The following TOP2B variants were observed in gnomAD, a reference collection of about 807,000 sequenced individuals.
TOP2B encodes the protein DNA topoisomerase 2-beta.
In TOP2B, 51 loss-of-function variants were observed where a neutral mutation model predicts 193.5. The ratio of observed to expected loss-of-function variants is 0.26; its 90% confidence interval spans 0.21 to 0.33. The LOEUF is 0.33. Among genes scored for constraint, TOP2B ranks in the 10% least tolerant of loss-of-function variants. The pLI, the probability that TOP2B is intolerant of heterozygous loss-of-function variation, is 1.00. For missense variants in TOP2B, 1,378 were observed against 1,909.3 expected (o/e 0.72, Z 5.19); for synonymous variants, 634 against 635.7 (o/e 1.00, Z 0.04).
rs148432409 is a variant in TOP2B at position 25,661,981 on chromosome 3, G to T, written c.69+2248C>A. The stretch of plus-strand genomic sequence containing the variant: ...AGACGAAGTTACCTTTCTCAAAACA[G>T]ATGACCACTGCAATAAAGCCCCAAC... On this transcript the variant is annotated intron_variant, in intron 1 of 35. Coordinates refer to ENST00000264331, the MANE Select transcript of TOP2B (RefSeq NM_001330700.2). Among the ~76,000 whole-genome samples, 621 of 152,274 alleles carry T rather than the reference G, an allele frequency of 4.1e-3. 8 individuals carry two copies. Among genetic ancestry groups the T allele is most frequent in the African/African-American group, 0.014 (586 of 41,546 alleles).
chr3:25,657,465 A>G (rs528863603), intron 1 of TOP2B, among the ~76,000 whole-genome samples: 89 of 152,302 alleles, frequency 5.8e-4, no homozygotes, highest in Non-Finnish European at 1.1e-3. Flanking sequence ...TAGCTCTTCA[A>G]TTTTAACACT....
At chr3:25,651,257 A>G (rs1703579010) in intron 1 of TOP2B, among the ~76,000 whole-genome samples, 1 of 152,290 alleles carries the variant, frequency 6.6e-6, no homozygotes, top group East Asian at 1.9e-4. Flanking sequence ...GAGGTAAAGT[A>G]TCATCAAAAA....
rs529559347 is a variant in TOP2B at position 25,664,378 on chromosome 3, C to T, written c.-81G>A. The T allele has an allele frequency of 7.4e-7, 1 of 1,356,356 alleles. No homozygotes were observed. Among genetic ancestry groups the T allele is most frequent in the Non-Finnish European group, 9.4e-7 (1 of 1,065,438 alleles). 84.0% of individuals were successfully genotyped at this position (1,356,356 alleles called of 1,614,324 possible). A position where few individuals can be genotyped will look rare whatever the true frequency, so the allele number is the denominator to read the frequency against. ...TGCGGGCCGCTGGGCCCCGCCGCTCCGCACCCACCGCTCCACTCGCCGCAC... is the reference window on the plus strand; with the variant it reads ...TGCGGGCCGCTGGGCCCCGCCGCTCTGCACCCACCGCTCCACTCGCCGCAC... On this transcript the variant is annotated 5_prime_UTR_variant, in exon 1 of 36. Transcript: ENST00000264331.
intron 27 of TOP2B, among the ~76,000 whole-genome samples, chr3:25,613,774 T>A (rs1165714543): frequency 6.6e-6 from 1 of 151,550 alleles, no homozygotes; most frequent in Non-Finnish European, 1.5e-5. Context: ...GCATCCACCA[T>A]GTGCTAGGCA....
chr3:25,636,000 C>A lies in TOP2B; in HGVS notation c.788G>T (p.Arg263Met). The stretch of plus-strand genomic sequence containing the variant: ...ACACGAACCAGCCAAATCATATGCC[C>A]TTCTAGTCATGAGGGCCACAATATC... ...DKDIVALMTR[R>M]AYDLAGSCRG... The change falls in exon 7 of 36, where the codon AGG (arginine) becomes ATG (methionine). Residue 263 changes from arginine to methionine, a missense_variant. Around this residue, in one of 9 missense-constraint regions of TOP2B, gnomAD observed 222 missense variants for 306.6 expected, o/e 0.72. Coordinates refer to ENST00000264331, the MANE Select transcript of TOP2B (RefSeq NM_001330700.2). 1 of 1,613,398 alleles carries A rather than the reference C, an allele frequency of 6.2e-7. No homozygotes were observed.
intron 2 of TOP2B, 128 bp from the exon 3 acceptor site, chr3:25,643,912 A>G (rs1387617687): frequency 6.6e-6 from 4 of 605,264 alleles, no homozygotes; most frequent in East Asian, 2.6e-5. Flanking sequence ...AAACATATAC[A>G]ACTTCAGTAA....
chr3:25,634,397 C>T (rs1575577628), intron 7 of TOP2B, among the ~76,000 whole-genome samples: 1 of 151,960 alleles, frequency 6.6e-6, no homozygotes, highest in South Asian at 2.1e-4. Flanking sequence ...TTTTCATGAA[C>T]CCACTGAAGA....
At chr3:25,648,488 A>G (rs993681112) in intron 1 of TOP2B, among the ~76,000 whole-genome samples, 1 of 152,224 alleles carries the variant, frequency 6.6e-6, no homozygotes, top group African/African-American at 2.4e-5. Flanking sequence ...GAGTTAGCTA[A>G]GCCTTCAAAT....
At chr3:25,660,357 T>C (rs896228480) in intron 1 of TOP2B, among the ~76,000 whole-genome samples, 36 of 152,178 alleles carry the variant, frequency 2.4e-4, no homozygotes, top group Non-Finnish European at 4.6e-4. Flanking sequence ...AAATTTGTAA[T>C]ATTAAGGCAA....
Position 25,630,157 on chromosome 3 carries a change from G to A in TOP2B, c.1564-3C>T. 6.5e-7 allele frequency: 1 copy of A among 1,540,016 alleles called. No individual in the cohort carries two copies. ...TTTATTTCAGCATTTTCCATGATCT[G>A]TTCAAAAAGGAAAAGCACTGAGAGT... On this transcript the variant is annotated splice_polypyrimidine_tract_variant and splice_region_variant and intron_variant, in intron 12 of 35. Transcript: ENST00000264331.
Position 25,604,760 on chromosome 3 carries a change from C to T in TOP2B, c.4489G>A (p.Gly1497Arg). The T allele has an allele frequency of 1.2e-6, 2 of 1,605,822 alleles. No individual in the cohort carries two copies. The highest frequency in any genetic ancestry group is 1.7e-6 in the Non-Finnish European group (2 of 1,173,254). Residue 1497 changes from glycine to arginine, a missense_variant and splice_region_variant, in exon 33 of 36, where the codon GGA (glycine) becomes AGA (arginine). Physicochemically the swap from Gly to Arg is moderately radical, Grantham distance 125. Around this residue, in one of 9 missense-constraint regions of TOP2B, gnomAD observed 556 missense variants for 584.2 expected, o/e 0.95. Coordinates refer to ENST00000264331, the MANE Select transcript of TOP2B (RefSeq NM_001330700.2). ...AACTCAATCAAATATAAGTACATAC[C>T]CTTTTTAGCAGCTACCGTTTTACTT... ...VPSKTVAAKK[G>R]KPSSDTVPKP...
At position 25,664,560 on chromosome 3, in the gene TOP2B, G is replaced by GCGACCGGCGGCGGC. The variant is rs1227160557; in HGVS notation, c.-277_-264dup. 1.9e-6 allele frequency: 2 copies of GCGACCGGCGGCGGC among 1,080,422 alleles called. No homozygotes were observed. Among genetic ancestry groups the GCGACCGGCGGCGGC allele is most frequent in the Admixed American group, 1.1e-4 (2 of 18,784 alleles). 66.9% of individuals were successfully genotyped at this position (1,080,422 alleles called of 1,614,324 possible). Reference sequence around the variant, plus strand: ...GCGGCGGCTGAGGAGAAAGCAGGGAGCGACCGGCGGCGGCCGAGCGGCGGC... The same window carrying GCGACCGGCGGCGGC: ...GCGGCGGCTGAGGAGAAAGCAGGGAGCGACCGGCGGCGGCCGACCGGCGGCGGCCGAGCGGCGGC... On this transcript the variant is annotated 5_prime_UTR_variant, in exon 1 of 36. Coordinates refer to ENST00000264331, the MANE Select transcript of TOP2B (RefSeq NM_001330700.2).
intron 27 of TOP2B, among the ~76,000 whole-genome samples, chr3:25,613,751 G>T (rs1702438407): frequency 1.3e-5 from 2 of 151,726 alleles, no homozygotes; most frequent in Non-Finnish European, 2.9e-5. Context: ...AAAAAAGCCA[G>T]ATAATTTATA....
At chr3:25,615,790 T>G in intron 25 of TOP2B, 1 of 389,928 alleles carries the variant, frequency 2.6e-6, no homozygotes, top group Non-Finnish European at 4.4e-6. Context: ...CAATAAGATC[T>G]TCAGAAGGAA....
Position 25,664,359 on chromosome 3 carries a change from C to T in TOP2B, c.-62G>A. 1 of 1,386,886 alleles carries T rather than the reference C, an allele frequency of 7.2e-7. No homozygotes were observed. The highest frequency in any genetic ancestry group is 9.2e-7 in the Non-Finnish European group (1 of 1,082,272). 85.9% of individuals were successfully genotyped at this position (1,386,886 alleles called of 1,614,324 possible). A position where few individuals can be genotyped will look rare whatever the true frequency, so the allele number is the denominator to read the frequency against. On this transcript the variant is annotated 5_prime_UTR_variant, in exon 1 of 36. Coordinates refer to ENST00000264331, the MANE Select transcript of TOP2B (RefSeq NM_001330700.2). Reference sequence around the variant, plus strand: ...GCCGCCGCTCCCGCCTCCCTGCGGGCCGCTGGGCCCCGCCGCTCCGCACCC... The same window carrying T: ...GCCGCCGCTCCCGCCTCCCTGCGGGTCGCTGGGCCCCGCCGCTCCGCACCC...
At chr3:25,657,442 AT>A (rs1703778145) in intron 1 of TOP2B, among the ~76,000 whole-genome samples, 1 of 152,188 alleles carries the variant, frequency 6.6e-6, no homozygotes, top group African/African-American at 2.4e-5. Flanking sequence ...CTTAAAAAAA[AT>A]GTCACCCTGG....
Position 25,628,857 on chromosome 3 carries a change from C to T in TOP2B, c.1896G>A (p.Lys632=). 4 of 1,557,978 alleles carry T rather than the reference C, an allele frequency of 2.6e-6. No homozygotes were observed. The highest frequency in any genetic ancestry group is 1.2e-5 in the South Asian group (1 of 83,850). The change falls in exon 15 of 36, where the codon AAG becomes AAA. Residue 632 remains lysine, a synonymous_variant. Coordinates refer to ENST00000264331, the MANE Select transcript of TOP2B (RefSeq NM_001330700.2). ...HIENQKAWKI[K]YYKGLGTSTA... ...TTTTAAAATACAAACCTTTATAGTA[C>T]TTTATTTTCCAGGCTTTCTGGTTTT...
chr3:25,663,069 A>G (rs1004567896), intron 1 of TOP2B, among the ~76,000 whole-genome samples: 1 of 152,204 alleles, frequency 6.6e-6, no homozygotes, highest in African/African-American at 2.4e-5. Context: ...AATATACAAC[A>G]TTCAAAGAAT....
intron 21 of TOP2B, among the ~76,000 whole-genome samples, chr3:25,621,682 T>C (rs1702661218): frequency 6.6e-6 from 1 of 152,046 alleles, no homozygotes; most frequent in Non-Finnish European, 1.5e-5. Context: ...TTATTCGTTA[T>C]TATCATTAAG....
Sources: gnomAD v4.1 joint callset for allele counts (sites outside exome capture counted in the v4.1 genomes callset) on GRCh38, gnomAD v4.1.1 for gene constraint, gnomAD v4.1.1 regional missense constraint, MANE v1.5 for transcripts, NCBI Gene and HGNC (gene_info 2026-07-23, HGNC 2026-07-21) for gene names.